Variants in FHIT observed in about 807,000 individuals in gnomAD.
FHIT encodes fragile histidine triad diadenosine triphosphatase.
A neutral mutation model predicts 17.9 loss-of-function variants in FHIT; 19 were observed. The observed-to-expected ratio is 1.06, with a 90% CI of 0.74 to 1.56. FHIT has a LOEUF of 1.56. Ranked by LOEUF, FHIT falls within the 40% of genes most tolerant of loss-of-function variation. FHIT has a pLI of 0.00. For synonymous variants in FHIT, 81 were observed against 69.7 expected (o/e 1.16, Z -0.81); for missense variants, 248 against 189.2 (o/e 1.31, Z -1.82).
chr3:61,114,606 C>T (rs1373676186), intron 2 of FHIT, among the ~76,000 whole-genome samples: 2 of 152,126 alleles, frequency 1.3e-5, no homozygotes, highest in African/African-American at 4.8e-5. Flanking sequence ...TCAGCTTCCT[C>T]CTAATTATTA....
At chr3:60,725,597 AAC>A (rs1430082704) in intron 4 of FHIT, among the ~76,000 whole-genome samples, 3 of 152,196 alleles carry the variant, frequency 2.0e-5, no homozygotes, top group Non-Finnish European at 2.9e-5. Flanking sequence ...CAGGTACCAA[AAC>A]ACAGAACCTA....
intron 3 of FHIT, among the ~76,000 whole-genome samples, chr3:60,986,564 C>G (rs1710727689): frequency 6.6e-6 from 1 of 152,132 alleles, no homozygotes; most frequent in African/African-American, 2.4e-5. Context: ...ATCTTTCTAC[C>G]TAATTATGCT....
At chr3:61,039,358 G>A (rs189074192) in intron 3 of FHIT, among the ~76,000 whole-genome samples, 5 of 152,108 alleles carry the variant, frequency 3.3e-5, no homozygotes, top group African/African-American at 1.2e-4. Context: ...ATCCTTACTG[G>A]GAGATCTACT....
At chr3:60,277,325 A>G (rs1045941012) in intron 5 of FHIT, among the ~76,000 whole-genome samples, 1 of 152,018 alleles carries the variant, frequency 6.6e-6, no homozygotes, top group African/African-American at 2.4e-5. Context: ...TTGAATGAAA[A>G]GCAGCCGCCA....
intron 7 of FHIT, among the ~76,000 whole-genome samples, chr3:60,009,831 C>T (rs1212818302): frequency 6.6e-6 from 1 of 152,188 alleles, no homozygotes; most frequent in Non-Finnish European, 1.5e-5. Flanking sequence ...CACTAATCTA[C>T]TTTCTATCTC....
intron 5 of FHIT, among the ~76,000 whole-genome samples, chr3:60,293,427 C>T (rs1708073922): frequency 1.3e-5 from 2 of 152,144 alleles, no homozygotes; most frequent in African/African-American, 2.4e-5. Flanking sequence ...CCAGTTATGG[C>T]TTCAAAGTCA....
At chr3:60,373,634 G>C (rs1277523689) in intron 5 of FHIT, among the ~76,000 whole-genome samples, 1 of 152,110 alleles carries the variant, frequency 6.6e-6, no homozygotes, top group Non-Finnish European at 1.5e-5. Flanking sequence ...TCATCTTGGT[G>C]GTAGTAGGGA....
chr3:60,015,816 G>A (rs1371521173), intron 5 of FHIT, among the ~76,000 whole-genome samples: 4 of 151,996 alleles, frequency 2.6e-5, no homozygotes, highest in Non-Finnish European at 5.9e-5. Flanking sequence ...TGTATCTAAT[G>A]TAAATTTAGT....
chr3:60,360,966 C>T (rs1012412750), intron 5 of FHIT, among the ~76,000 whole-genome samples: 2 of 152,214 alleles, frequency 1.3e-5, no homozygotes, highest in Non-Finnish European at 2.9e-5. Flanking sequence ...TTCCGTCCGA[C>T]CCATGTGATT....
intron 3 of FHIT, among the ~76,000 whole-genome samples, chr3:60,849,191 TG>T (rs1249694398): frequency 4.6e-5 from 7 of 151,788 alleles, no homozygotes; most frequent in African/African-American, 1.7e-4. Flanking sequence ...GCTAAGAGAC[TG>T]GGAAGAAAGG....
At chr3:59,871,295 G>A (rs1225273097) in intron 8 of FHIT, among the ~76,000 whole-genome samples, 1 of 152,116 alleles carries the variant, frequency 6.6e-6, no homozygotes, top group Non-Finnish European at 1.5e-5. Context: ...CATCAATATT[G>A]TAAATACGTT....
intron 8 of FHIT, among the ~76,000 whole-genome samples, chr3:59,776,349 A>G (rs1205629063): frequency 6.6e-6 from 1 of 152,240 alleles, no homozygotes; most frequent in Non-Finnish European, 1.5e-5. Flanking sequence ...ACAAGTGCTC[A>G]CCATCACACT....
intron 3 of FHIT, among the ~76,000 whole-genome samples, chr3:60,845,506 T>C (rs1702895773): frequency 6.6e-6 from 1 of 152,166 alleles, no homozygotes. Context: ...TTGCCATGTG[T>C]AATGCATAAA....
At chr3:60,872,095 T>C (rs1031704689) in intron 3 of FHIT, among the ~76,000 whole-genome samples, 14 of 152,268 alleles carry the variant, frequency 9.2e-5, no homozygotes, top group Admixed American at 9.2e-4. Flanking sequence ...CAGTAGGAAT[T>C]GCATGTTTTG....
chr3:60,206,157 A>AT lies in FHIT; in HGVS notation c.104-192006dup, dbSNP rs1264472058. On this transcript the variant is annotated intron_variant, in intron 5 of 9. Coordinates refer to ENST00000492590, the MANE Select transcript of FHIT (RefSeq NM_002012.4). ...CAAAAAAAAAAAAAAATAAATAATA[A>AT]TAATAATAATAATAATTATAACACT... is the stretch of plus-strand genomic sequence containing the variant. 5.0e-3 allele frequency among the ~76,000 whole-genome samples: 718 copies of AT among 142,916 alleles called. 8 individuals are homozygous for AT. Among genetic ancestry groups the AT allele is most frequent in the African/African-American group, 0.017 (656 of 38,382 alleles). 93.8% of individuals were successfully genotyped at this position (142,916 alleles called of 152,430 possible).
At chr3:60,988,965 A>C (rs867754550) in intron 3 of FHIT, among the ~76,000 whole-genome samples, 28 of 149,032 alleles carry the variant, frequency 1.9e-4, no homozygotes, top group Non-Finnish European at 3.9e-4. Flanking sequence ...AAAAAAAAAA[A>C]AAAAAAAAAA....
chr3:60,375,592 T>C (rs1157442013), intron 5 of FHIT, among the ~76,000 whole-genome samples: 1 of 151,914 alleles, frequency 6.6e-6, no homozygotes, highest in Non-Finnish European at 1.5e-5. Flanking sequence ...AAATATATAT[T>C]GAAAGTATAA....
chr3:60,433,723 A>G (rs2029945612), intron 5 of FHIT, among the ~76,000 whole-genome samples: 1 of 151,994 alleles, frequency 6.6e-6, no homozygotes, highest in African/African-American at 2.4e-5. Context: ...GTTTCTTTGG[A>G]GAAATTTCTA....
At chr3:60,575,951 G>A (rs1004718101) in intron 4 of FHIT, among the ~76,000 whole-genome samples, 8 of 152,104 alleles carry the variant, frequency 5.3e-5, no homozygotes, top group African/African-American at 1.9e-4. Flanking sequence ...CAAGATGACT[G>A]GTGGGAGATG....
Sources: allele counts gnomAD v4.1 joint callset (sites outside exome capture counted in the v4.1 genomes callset), GRCh38; gene constraint gnomAD v4.1.1; transcripts MANE v1.5; gene names NCBI Gene and HGNC (gene_info 2026-07-23, HGNC 2026-07-21).